Variants in KIAA1549 observed in about 807,000 individuals in gnomAD.
KIAA1549 encodes the protein KIAA1549.
Under a neutral mutation model 156.4 loss-of-function variants are expected in KIAA1549, and 70 were observed. That is an observed-to-expected ratio of 0.45 (90% CI 0.37 to 0.55). The LOEUF (loss-of-function observed/expected upper bound fraction) is 0.55. Ranked by LOEUF, KIAA1549 falls within the 20% of genes least tolerant of loss-of-function variation. The probability of loss-of-function intolerance (pLI) is 0.00; values close to 1 mark genes in which losing one functional copy is unlikely to be tolerated. For synonymous variants in KIAA1549, 1,103 were observed against 1,066.4 expected (o/e 1.03, Z -0.67); for missense variants, 2,428 against 2,540.9 (o/e 0.96, Z 0.96).
intron 1 of KIAA1549, among the ~76,000 whole-genome samples, chr7:138,935,664 G>A (rs1445027652): frequency 6.6e-6 from 1 of 152,186 alleles, no homozygotes; most frequent in Admixed American, 6.5e-5. Flanking sequence ...CCCAACAGCA[G>A]GAGCCAGCAG....
rs73729975 is a variant in KIAA1549 at position 138,949,639 on chromosome 7, A to C, written c.188-30201T>G. On this transcript the variant is annotated intron_variant, in intron 1 of 19. Transcript: ENST00000422774. The stretch of plus-strand genomic sequence containing the variant: ...CAACCACCTGAGTGAACAAAGGTCC[A>C]ATCTGGCTCAAGCTTAACAGGAGAG... Among the ~76,000 whole-genome samples, 1,066 of 152,090 alleles carry C rather than the reference A, an allele frequency of 7.0e-3. 9 individuals are homozygous for C. Among genetic ancestry groups the C allele is most frequent in the African/African-American group, 0.025 (1,025 of 41,412 alleles).
chr7:138,915,154 A>G (rs1812281915), intron 2 of KIAA1549, among the ~76,000 whole-genome samples: 1 of 152,132 alleles, frequency 6.6e-6, no homozygotes, highest in South Asian at 2.1e-4. Flanking sequence ...CTCCCCCAGA[A>G]GACACTTTCT....
intron 1 of KIAA1549, among the ~76,000 whole-genome samples, chr7:138,925,957 C>G (rs920296038): frequency 6.6e-6 from 1 of 152,162 alleles, no homozygotes; most frequent in African/African-American, 2.4e-5. Flanking sequence ...TCTGAAGCCC[C>G]GCAGTCCACC....
chr7:138,906,985 G>A lies in KIAA1549; in HGVS notation c.3394C>T (p.Leu1132Phe), dbSNP rs776501893. 6.2e-7 allele frequency: 1 copy of A among 1,613,424 alleles called. No individual in the cohort carries two copies. The highest frequency in any genetic ancestry group is 8.5e-7 in the Non-Finnish European group (1 of 1,179,658). ...FLNGSEVSELLRNLSVVEFSF... is the reference protein window; with the variant it reads ...FLNGSEVSELFRNLSVVEFSF... ...AACTCCACCACACTCAAGTTTCTGA[G>A]CAGCTCGCTCACTTCCGACCCATTC... The change falls in exon 6 of 20, where the codon CTC (leucine) becomes TTC (phenylalanine). Residue 1132 changes from leucine (L) to phenylalanine (F), a missense_variant. Around this residue, in one of 5 missense-constraint regions of KIAA1549, gnomAD observed 762 missense variants for 901.6 expected, o/e 0.85. Coordinates refer to ENST00000422774, the MANE Select transcript of KIAA1549 (RefSeq NM_001164665.2).
chr7:138,922,111 T>C (rs1812581121), intron 1 of KIAA1549, among the ~76,000 whole-genome samples: 1 of 152,220 alleles, frequency 6.6e-6, no homozygotes, highest in Admixed American at 6.5e-5. Context: ...AATCAATTTC[T>C]GCTGTTTAAG....
Position 138,836,510 on chromosome 7 carries a change from TA to T in KIAA1549, c.*1395del. On this transcript the variant is annotated 3_prime_UTR_variant, in exon 20 of 20. Coordinates refer to ENST00000422774, the MANE Select transcript of KIAA1549 (RefSeq NM_001164665.2). ...TGCATGACTGTCTTCGCTGATCTAA[TA>T]AAAACAGGTTAATAGTGAAAATCTC... 4.6e-6 allele frequency: 1 copy of T among 215,290 alleles called. No homozygotes were observed. The highest frequency in any genetic ancestry group is 9.4e-6 in the Non-Finnish European group (1 of 106,784). The allele number at this position is 215,290 out of a possible 1,614,324, so 13.3% of individuals were successfully genotyped here.
intron 17 of KIAA1549, among the ~76,000 whole-genome samples, chr7:138,849,941 CT>C (rs994922479): frequency 1.3e-5 from 2 of 151,484 alleles, no homozygotes; most frequent in East Asian, 1.9e-4. Context: ...ATGCGTACCA[CT>C]TTTTTTTTAT....
chr7:138,839,091 G>C (rs1809832808), intron 19 of KIAA1549, among the ~76,000 whole-genome samples: 1 of 152,150 alleles, frequency 6.6e-6, no homozygotes, highest in African/African-American at 2.4e-5. Flanking sequence ...AGAAATGGCA[G>C]CAAACTTAAA....
At chr7:138,967,464 T>C (rs945169392) in intron 1 of KIAA1549, among the ~76,000 whole-genome samples, 1 of 152,188 alleles carries the variant, frequency 6.6e-6, no homozygotes, top group Non-Finnish European at 1.5e-5. Context: ...GTACAAATGA[T>C]TGCAATGAAT....
At position 138,967,246 on chromosome 7, in the gene KIAA1549, A is replaced by G. The variant is rs115953177; in HGVS notation, c.187+13837T>C. Among the ~76,000 whole-genome samples, 553 of 152,312 alleles carry G rather than the reference A, an allele frequency of 3.6e-3. 3 individuals are homozygous for G. The highest frequency in any genetic ancestry group is 0.013 in the African/African-American group (537 of 41,564). On this transcript the variant is annotated intron_variant, in intron 1 of 19. Coordinates refer to ENST00000422774, the MANE Select transcript of KIAA1549 (RefSeq NM_001164665.2). ...CAGTGGAGGAAGGCAGAATGCACAGACAAATATGTAGAAGACAATGATAAG... is the reference window on the plus strand; with the variant it reads ...CAGTGGAGGAAGGCAGAATGCACAGGCAAATATGTAGAAGACAATGATAAG...
At chr7:138,977,387 C>A (rs1814410214) in intron 1 of KIAA1549, among the ~76,000 whole-genome samples, 2 of 152,242 alleles carry the variant, frequency 1.3e-5, no homozygotes, top group South Asian at 4.2e-4. Context: ...CAATGTATTA[C>A]AAATTTATTT....
At chr7:138,843,207 C>T (rs1052290651) in intron 18 of KIAA1549, among the ~76,000 whole-genome samples, 3 of 152,140 alleles carry the variant, frequency 2.0e-5, no homozygotes, top group East Asian at 1.9e-4. Flanking sequence ...ATTCCCAGTA[C>T]ATATAGATGA....
At chr7:138,971,000 G>A (rs969748537) in intron 1 of KIAA1549, among the ~76,000 whole-genome samples, 3 of 152,126 alleles carry the variant, frequency 2.0e-5, no homozygotes, top group South Asian at 2.1e-4. Flanking sequence ...CCAAAGGACT[G>A]GGAAGCACCA....
intron 15 of KIAA1549, among the ~76,000 whole-genome samples, chr7:138,862,247 C>G (rs1445146406): frequency 3.3e-5 from 5 of 152,086 alleles, no homozygotes; most frequent in African/African-American, 1.2e-4. Context: ...GTAATCCCAG[C>G]AACTTGGGAG....
At chr7:138,858,271 T>A (rs556878066) in intron 16 of KIAA1549, among the ~76,000 whole-genome samples, 7 of 152,104 alleles carry the variant, frequency 4.6e-5, no homozygotes, top group African/African-American at 1.7e-4. Context: ...AATTTTTATA[T>A]TTTTTGTAGA....
chr7:138,899,159 T>C (rs750974082), intron 8 of KIAA1549, 27 bp from the exon 9 acceptor site: 9 of 1,605,374 alleles, frequency 5.6e-6, no homozygotes, highest in South Asian at 5.5e-5. Context: ...ACCATTCACA[T>C]TGCAGAAGCT....
chr7:138,919,172 C>A lies in KIAA1549; in HGVS notation c.454G>T (p.Val152Phe), dbSNP rs765692579. 1 of 1,613,890 alleles carries A rather than the reference C, an allele frequency of 6.2e-7. No homozygotes were observed. Among genetic ancestry groups the A allele is most frequent in the Non-Finnish European group, 8.5e-7 (1 of 1,179,910 alleles). The change falls in exon 2 of 20, where the codon GTC (valine) becomes TTC (phenylalanine). Residue 152 changes from valine (V) to phenylalanine (F), a missense_variant. Physicochemically the swap from Val to Phe is conservative, Grantham distance 50 (BLOSUM62 -1). Around this residue, in one of 5 missense-constraint regions of KIAA1549, gnomAD observed 893 missense variants for 847.9 expected, o/e 1.05. Transcript: ENST00000422774. The part of the protein sequence containing the change: ...YVSVTSKEVA[V>F]NDDEMDNFLP... ...AAGTTATCCATCTCATCGTCATTGA[C>A]GGCCACCTCTTTACTCGTCACTGAC...
chr7:138,917,116 A>T lies in KIAA1549; in HGVS notation c.2510T>A (p.Val837Glu), dbSNP rs777431553. 2 of 1,612,606 alleles carry T rather than the reference A, an allele frequency of 1.2e-6. No homozygotes were observed. The highest frequency in any genetic ancestry group is 1.7e-6 in the Non-Finnish European group (2 of 1,179,310). Residue 837 changes from valine (V) to glutamate (E), a missense_variant, in exon 2 of 20, where the codon GTG (valine) becomes GAG (glutamate). By Grantham distance (121) the Val-to-Glu change is moderately radical. Around this residue, in one of 5 missense-constraint regions of KIAA1549, gnomAD observed 762 missense variants for 901.6 expected, o/e 0.85. Coordinates refer to ENST00000422774, the MANE Select transcript of KIAA1549 (RefSeq NM_001164665.2). ...TGGCAGGTACGCGTCAGTGATCAAC[A>T]CCGTACCAGTGGGAATGGCTTTGGA... ...SFSKAIPTGTVLITDAYLPSG... is the reference protein window; with the variant it reads ...SFSKAIPTGTELITDAYLPSG...
In KIAA1549 at chr7:138,867,962, C is replaced by T. The variant is rs759565326; in HGVS notation, c.4929+13G>A. On this transcript the variant is annotated intron_variant, in intron 15 of 19. Transcript: ENST00000422774. ...CCACCCGAGTTCCAGAAACTGGAGT[C>T]GGTGGCACGCACTGGGCATCCGATG... 1.6e-5 allele frequency: 26 copies of T among 1,611,516 alleles called. No homozygotes were observed. Among genetic ancestry groups the T allele is most frequent in the Admixed American group, 8.3e-5 (5 of 59,944 alleles).
Sources: allele counts gnomAD v4.1 joint callset (sites outside exome capture counted in the v4.1 genomes callset), GRCh38; gene constraint gnomAD v4.1.1; regional missense constraint gnomAD v4.1.1; transcripts MANE v1.5; gene names NCBI Gene and HGNC (gene_info 2026-07-23, HGNC 2026-07-21).